MCTP2: variants seen among roughly 807,000 people sequenced by gnomAD.
The protein encoded by MCTP2 is multiple C2 and transmembrane domain containing 2.
A neutral mutation model predicts 111.6 loss-of-function variants in MCTP2; 132 were observed. The ratio of observed to expected loss-of-function variants is 1.18; its 90% CI spans 1.03 to 1.37. The LOEUF (loss-of-function observed/expected upper bound fraction) is 1.37, where lower values mean the gene tolerates loss of function less well. Among genes scored for constraint, MCTP2 ranks in the 40% most tolerant of loss-of-function variants. MCTP2 has a pLI of 0.00. For missense variants in MCTP2, 1,183 were observed against 1,067.9 expected (o/e 1.11, Z -1.50); for synonymous variants, 395 against 387.7 (o/e 1.02, Z -0.22).
chr15:94,361,938 T>TG (rs1340829087), intron 10 of MCTP2, among the ~76,000 whole-genome samples: 10 of 152,188 alleles, frequency 6.6e-5, no homozygotes, highest in Non-Finnish European at 1.3e-4. Context: ...AACATGGACC[T>TG]GCCCCGTAGG....
At chr15:94,270,898 G>A (rs1213511214) in intron 1 of MCTP2, among the ~76,000 whole-genome samples, 1 of 152,154 alleles carries the variant, frequency 6.6e-6, no homozygotes, top group African/African-American at 2.4e-5. Flanking sequence ...TAACTTTCAT[G>A]TAAGCAAGTA....
chr15:94,320,366 C>A (rs1427254544), intron 4 of MCTP2, among the ~76,000 whole-genome samples: 1 of 152,094 alleles, frequency 6.6e-6, no homozygotes, highest in African/African-American at 2.4e-5. Context: ...TGGTCTCGAT[C>A]TCCTGACCTT....
At chr15:94,324,825 AATT>A (rs1008661763) in intron 4 of MCTP2, among the ~76,000 whole-genome samples, 15 of 152,134 alleles carry the variant, frequency 9.9e-5, no homozygotes, top group South Asian at 2.1e-4. Context: ...ATTATTATTC[AATT>A]ATTGTTGTTT....
Position 94,483,290 on chromosome 15 carries a change from G to T in MCTP2, c.*4256G>T, listed in dbSNP as rs2074816509. 1 of 152,040 alleles carries T rather than the reference G, an allele frequency of 6.6e-6. No individual in the cohort carries two copies. Among genetic ancestry groups the T allele is most frequent in the African/African-American group, 2.4e-5 (1 of 41,398 alleles). The allele number at this position is 152,040 out of a possible 1,614,324, so 9.4% of individuals were successfully genotyped here. A position where few individuals can be genotyped will look rare whatever the true frequency, so the allele number is the denominator to read the frequency against. ...TAGTTCAACCGCTGTGGAAGACAGGGTGGGTGTTTCCTCAAAAACCTAAAG... is the reference window on the plus strand; with the variant it reads ...TAGTTCAACCGCTGTGGAAGACAGGTTGGGTGTTTCCTCAAAAACCTAAAG... On this transcript the variant is annotated 3_prime_UTR_variant, in exon 23 of 23. Transcript: ENST00000357742.
chr15:94,339,634 A>C (rs1280263612), intron 5 of MCTP2, among the ~76,000 whole-genome samples: 1 of 152,222 alleles, frequency 6.6e-6, no homozygotes, highest in Admixed American at 6.5e-5. Flanking sequence ...CAGTGAAAAT[A>C]ATATCTACAT....
intron 1 of MCTP2, among the ~76,000 whole-genome samples, chr15:94,277,538 T>A (rs1476639730): frequency 6.6e-6 from 1 of 152,202 alleles, no homozygotes; most frequent in Non-Finnish European, 1.5e-5. Context: ...GAACCTTAAA[T>A]ACATATTCAT....
At chr15:94,402,546 CCAT>C (rs1369251476) in intron 17 of MCTP2, 12 of 1,551,706 alleles carry the variant, frequency 7.7e-6, no homozygotes, top group Non-Finnish European at 1.0e-5. Flanking sequence ...TGACATTGGC[CCAT>C]CCTTATGAGC....
rs960398930 is a variant in MCTP2 at position 94,345,241 on chromosome 15, T to C, written c.1005+77T>C. 5.2e-6 allele frequency: 7 copies of C among 1,336,282 alleles called. No individual in the cohort carries two copies. The African/African-American group carries it at 8.8e-5, about 17-fold the overall frequency. 82.8% of individuals were successfully genotyped at this position (1,336,282 alleles called of 1,614,324 possible). ...GTAGCAAACAAAAATGACTGCATGA[T>C]AGATATTACCCAATCTTTACATCAA... is the stretch of plus-strand genomic sequence containing the variant. On this transcript the variant is annotated intron_variant, in intron 8 of 22. Coordinates refer to ENST00000357742, the MANE Select transcript of MCTP2 (RefSeq NM_001385001.1).
chr15:94,249,113 C>T (rs1047388071), intron 1 of MCTP2, among the ~76,000 whole-genome samples: 12 of 152,150 alleles, frequency 7.9e-5, no homozygotes, highest in African/African-American at 2.9e-4. Context: ...TTTTATTACA[C>T]ATAAGTAGGA....
chr15:94,375,616 T>G (rs2079727850), intron 12 of MCTP2, among the ~76,000 whole-genome samples: 1 of 152,194 alleles, frequency 6.6e-6, no homozygotes, highest in Non-Finnish European at 1.5e-5. Flanking sequence ...ATGAAAAGTT[T>G]CCAAAATATA....
intron 17 of MCTP2, 130 bp downstream of exon 17, chr15:94,402,149 C>A: frequency 7.5e-7 from 1 of 1,342,208 alleles, no homozygotes; most frequent in Non-Finnish European, 9.9e-7. Context: ...TCAAATTTAC[C>A]TGGGAAACCC....
intron 9 of MCTP2, among the ~76,000 whole-genome samples, chr15:94,357,662 C>T (rs1353423286): frequency 6.6e-6 from 1 of 152,034 alleles, no homozygotes; most frequent in African/African-American, 2.4e-5. Flanking sequence ...TGGCTACAGC[C>T]GAGGTCTGAG....
At chr15:94,461,559 G>A (rs958224314) in intron 20 of MCTP2, among the ~76,000 whole-genome samples, 8 of 152,176 alleles carry the variant, frequency 5.3e-5, no homozygotes, top group African/African-American at 1.7e-4. Context: ...CTATCATTAT[G>A]GAGTGAGGGC....
chr15:94,277,811 AATTTACACTATAG>A (rs1463207542), intron 1 of MCTP2, among the ~76,000 whole-genome samples: 1 of 152,206 alleles, frequency 6.6e-6, no homozygotes. Flanking sequence ...AGCCAACCTT[AATTTACACTATAG>A]ATTTAGTTGT....
In MCTP2 at chr15:94,345,118, C is replaced by A; in HGVS notation, c.970-11C>A. 8.1e-6 allele frequency: 13 copies of A among 1,612,534 alleles called. No homozygotes were observed. Among genetic ancestry groups the A allele is most frequent in the Non-Finnish European group, 1.0e-5 (12 of 1,178,942 alleles). On this transcript the variant is annotated splice_polypyrimidine_tract_variant and intron_variant, in intron 7 of 22. Coordinates refer to ENST00000357742, the MANE Select transcript of MCTP2 (RefSeq NM_001385001.1). ...TGCCATTTTCACCATTCCGCGGACA[C>A]AAATCTTTAGCGTTGGTCAAATCGG... is the stretch of plus-strand genomic sequence containing the variant.
At chr15:94,354,069 A>G (rs1351049952) in intron 8 of MCTP2, among the ~76,000 whole-genome samples, 1 of 151,834 alleles carries the variant, frequency 6.6e-6, no homozygotes, top group Non-Finnish European at 1.5e-5. Flanking sequence ...ATATTCAATA[A>G]TAAAGGTTTA....
At chr15:94,454,996 A>G (rs1044734595) in intron 19 of MCTP2, among the ~76,000 whole-genome samples, 1 of 152,064 alleles carries the variant, frequency 6.6e-6, no homozygotes, top group Non-Finnish European at 1.5e-5. Context: ...AATGTTTTGT[A>G]TTTTTAGTAG....
At chr15:94,431,443 A>G (rs1394428252) in intron 17 of MCTP2, among the ~76,000 whole-genome samples, 2 of 152,202 alleles carry the variant, frequency 1.3e-5, no homozygotes, top group African/African-American at 4.8e-5. Context: ...TAACTGTTAA[A>G]TCATGAAGTC....
At chr15:94,413,209 G>T (rs2082230175) in intron 17 of MCTP2, among the ~76,000 whole-genome samples, 1 of 151,954 alleles carries the variant, frequency 6.6e-6, no homozygotes, top group Admixed American at 6.6e-5. Context: ...CTACTTCTTG[G>T]GGATTTTAAT....
Sources: allele counts gnomAD v4.1 joint callset (sites outside exome capture counted in the v4.1 genomes callset), GRCh38; gene constraint gnomAD v4.1.1; transcripts MANE v1.5; gene names NCBI Gene and HGNC (gene_info 2026-07-23, HGNC 2026-07-21).